The following SRGAP3 variants were observed in gnomAD, a reference collection of about 807,000 sequenced individuals.
SRGAP3 encodes SLIT-ROBO Rho GTPase-activating protein 3.
Under a neutral mutation model 121.1 loss-of-function variants are expected in SRGAP3, and 39 were observed. The ratio of observed to expected loss-of-function variants is 0.32; its 90% CI spans 0.25 to 0.42. The LOEUF is 0.42. Ranked by LOEUF, SRGAP3 falls within the 10% of genes least tolerant of loss-of-function variation. The pLI is 1.00. For synonymous variants in SRGAP3, 601 were observed against 570.0 expected (o/e 1.05, Z -0.77); for missense variants, 1,213 against 1,470.6 (o/e 0.82, Z 2.86).
chr3:9,163,987 T>C (rs1001626213), intron 1 of SRGAP3, among the ~76,000 whole-genome samples: 2 of 115,482 alleles, frequency 1.7e-5, no homozygotes, highest in African/African-American at 7.1e-5. Context: ...ACTACTATTC[T>C]TTTTTTTTTT....
chr3:9,166,058 G>T (rs1464875407), intron 1 of SRGAP3, among the ~76,000 whole-genome samples: 2 of 152,178 alleles, frequency 1.3e-5, no homozygotes, highest in African/African-American at 4.8e-5. Context: ...GTGAATGAAT[G>T]AATCTTCTAC....
At chr3:9,191,824 A>T (rs547212246) in intron 1 of SRGAP3, among the ~76,000 whole-genome samples, 83 of 152,248 alleles carry the variant, frequency 5.5e-4, no homozygotes, top group African/African-American at 1.9e-3. Flanking sequence ...CCCCCTTGGT[A>T]CTGTTTTCAC....
intron 1 of SRGAP3, among the ~76,000 whole-genome samples, chr3:9,238,775 A>T (rs2125233326): frequency 6.6e-6 from 1 of 152,236 alleles, no homozygotes; most frequent in South Asian, 2.1e-4. Context: ...TGAGGCAAAT[A>T]TCCAGGGTCC....
At chr3:9,167,342 C>T (rs776476228) in intron 1 of SRGAP3, among the ~76,000 whole-genome samples, 1 of 152,218 alleles carries the variant, frequency 6.6e-6, no homozygotes, top group African/African-American at 2.4e-5. Flanking sequence ...TCTTCACTCT[C>T]TCTCTCATTC....
intron 6 of SRGAP3, 177 bp from the exon 7 acceptor site, chr3:9,058,649 A>G: frequency 1.9e-6 from 1 of 515,136 alleles, no homozygotes; most frequent in Non-Finnish European, 3.5e-6. Flanking sequence ...CCTCAAGGGG[A>G]GTTGCGGTTG....
intron 1 of SRGAP3, among the ~76,000 whole-genome samples, chr3:9,223,755 A>G (rs1346517293): frequency 6.6e-6 from 1 of 152,158 alleles, no homozygotes; most frequent in Non-Finnish European, 1.5e-5. Context: ...ACAGACACAA[A>G]TGGCTTCAAG....
intron 6 of SRGAP3, chr3:9,059,950 A>G: frequency 2.3e-6 from 1 of 438,006 alleles, no homozygotes; most frequent in Non-Finnish European, 4.3e-6. Context: ...CCTGGTGTCC[A>G]GGAGGGTACT....
At chr3:9,005,812 G>A (rs546829196) in intron 18 of SRGAP3, among the ~76,000 whole-genome samples, 1 of 152,218 alleles carries the variant, frequency 6.6e-6, no homozygotes, top group African/African-American at 2.4e-5. Context: ...AAGGGTACAG[G>A]GCTTCTTTTC....
intron 3 of SRGAP3, among the ~76,000 whole-genome samples, chr3:9,299,361 A>C (rs1234896284): frequency 1.0e-3 from 82 of 78,134 alleles, no homozygotes; most frequent in Admixed American, 5.7e-3. Flanking sequence ...CTCCGTCCCA[A>C]AAAAAAAAAA....
At chr3:9,136,395 C>CA (rs1491422849) in intron 1 of SRGAP3, among the ~76,000 whole-genome samples, 22 of 25,680 alleles carry the variant, frequency 8.6e-4, no homozygotes, top group African/African-American at 5.7e-3. Context: ...GTCGCTGGGA[C>CA]CCCCCCCCCC....
At chr3:9,066,810 T>C (rs984913046) in intron 4 of SRGAP3, among the ~76,000 whole-genome samples, 1 of 152,254 alleles carries the variant, frequency 6.6e-6, no homozygotes, top group Non-Finnish European at 1.5e-5. Context: ...CTGTGACTTT[T>C]ATCATTAAAT....
chr3:9,171,966 T>A (rs1013937634), intron 1 of SRGAP3, among the ~76,000 whole-genome samples: 1 of 152,066 alleles, frequency 6.6e-6, no homozygotes. Flanking sequence ...GCATTTCTCG[T>A]CTCCTGCCGT....
At chr3:9,331,514 C>G (rs1401370484) in intron 1 of SRGAP3, among the ~76,000 whole-genome samples, 1 of 152,204 alleles carries the variant, frequency 6.6e-6, no homozygotes, top group Non-Finnish European at 1.5e-5. Flanking sequence ...TATGACCACC[C>G]ACCCCAGCCC....
At chr3:9,327,355 C>T (rs1232138044) in intron 2 of SRGAP3, among the ~76,000 whole-genome samples, 6 of 152,094 alleles carry the variant, frequency 3.9e-5, no homozygotes, top group Admixed American at 6.5e-5. Context: ...ATAAACCTTC[C>T]GTAACTTGTT....
At chr3:9,119,485 A>G (rs1202312874) in intron 2 of SRGAP3, among the ~76,000 whole-genome samples, 2 of 151,992 alleles carry the variant, frequency 1.3e-5, no homozygotes, top group Non-Finnish European at 2.9e-5. Flanking sequence ...GCTCCTTCTC[A>G]TTTCTCAGGC....
intron 1 of SRGAP3, among the ~76,000 whole-genome samples, chr3:9,346,880 C>A (rs1223689785): frequency 6.6e-6 from 1 of 151,590 alleles, no homozygotes; most frequent in Non-Finnish European, 1.5e-5. Flanking sequence ...CTCAGCCTCC[C>A]AAGTAGCTGG....
intron 3 of SRGAP3, among the ~76,000 whole-genome samples, chr3:9,086,305 G>A (rs1231251883): frequency 1.3e-5 from 2 of 151,936 alleles, no homozygotes; most frequent in African/African-American, 4.8e-5. Flanking sequence ...GCAGGCAGAT[G>A]ACCTGAGCCC....
chr3:8,994,170 G>C, intron 19 of SRGAP3, 173 bp downstream of exon 19: 6 of 864,846 alleles, frequency 6.9e-6, no homozygotes, highest in Non-Finnish European at 9.1e-6. Flanking sequence ...TATCCGTTAA[G>C]TGGATCACCA....
chr3:9,300,170 TTCATCATC>T (rs1955030478), intron 3 of SRGAP3, among the ~76,000 whole-genome samples: 1 of 276 alleles, frequency 3.6e-3, no homozygotes, highest in Non-Finnish European at 7.6e-3. Flanking sequence ...CATCATCATC[TTCATCATC>T]ACCACCATCA....
Sources: gnomAD v4.1 joint callset for allele counts (sites outside exome capture counted in the v4.1 genomes callset) on GRCh38, gnomAD v4.1.1 for gene constraint, MANE v1.5 for transcripts, NCBI Gene and HGNC (gene_info 2026-07-23, HGNC 2026-07-21) for gene names.